The following ABHD1 variants were observed in gnomAD, a reference collection of about 807,000 sequenced individuals.
The protein encoded by ABHD1 is protein ABHD1.
In ABHD1, 47 loss-of-function variants were observed where a neutral mutation model predicts 41.4. That is an observed-to-expected ratio of 1.13 (90% CI 0.90 to 1.45). The LOEUF (loss-of-function observed/expected upper bound fraction) is 1.45. Ranked by LOEUF, ABHD1 falls within the 40% of genes most tolerant of loss-of-function variation. ABHD1 has a pLI of 0.00. For synonymous variants in ABHD1, 205 were observed against 203.7 expected (o/e 1.01, Z -0.05); for missense variants, 550 against 503.4 (o/e 1.09, Z -0.89).
At chr2:27,124,379 TGA>T in intron 1 of ABHD1, 1 of 412,470 alleles carries the variant, frequency 2.4e-6, no homozygotes, top group Non-Finnish European at 4.8e-6. Flanking sequence ...GTGGTTTAGC[TGA>T]GTCTTTCAGC....
Position 27,130,414 on chromosome 2 carries a change from G to C in ABHD1, c.1004G>C (p.Cys335Ser). The change falls in exon 8 of 9, where the codon TGT (cysteine) becomes TCT (serine). Residue 335 changes from cysteine (C) to serine (S), a missense_variant and splice_region_variant. Cys to Ser is a moderately radical substitution (Grantham distance 112, BLOSUM62 -1). Transcript: ENST00000316470. ...SAADDPFSPV[C>S]ALPIQAAQHS... The stretch of plus-strand genomic sequence containing the variant: ...GCAGATGACCCCTTCTCCCCCGTCT[G>C]TGGTGAGTACTCTGATTCAGGACAC... 1 of 1,614,172 alleles carries C rather than the reference G, an allele frequency of 6.2e-7. No homozygotes were observed. Among genetic ancestry groups the C allele is most frequent in the South Asian group, 1.1e-5 (1 of 91,082 alleles).
intron 1 of ABHD1, among the ~76,000 whole-genome samples, chr2:27,127,302 C>T (rs1162250945): frequency 7.4e-6 from 1 of 134,244 alleles, no homozygotes. Context: ...CGCCTGTAAT[C>T]CCAGCACTTT....
intron 4 of ABHD1, 56 bp downstream of exon 4, chr2:27,129,417 G>C (rs1460572546): frequency 6.2e-7 from 1 of 1,612,948 alleles, no homozygotes; most frequent in Non-Finnish European, 8.5e-7. Flanking sequence ...AGAGATCCTT[G>C]GCCCTGGGGC....
chr2:27,124,753 G>A lies in ABHD1; in HGVS notation c.114+691G>A, dbSNP rs183474416. On this transcript the variant is annotated intron_variant, in intron 1 of 8. Transcript: ENST00000316470. ...AGTCTAACAAGACACCTACTGGTTC[G>A]AGTCCTTTAAAAAGGTCTATAGGAG... The A allele has an allele frequency of 2.1e-4, 35 of 167,570 alleles. No homozygotes were observed. The East Asian group carries it at 3.0e-3, about 14-fold the overall frequency. 10.4% of individuals were successfully genotyped at this position (167,570 alleles called of 1,614,324 possible).
intron 1 of ABHD1, among the ~76,000 whole-genome samples, chr2:27,127,239 T>TC (rs1182178744): frequency 7.4e-6 from 1 of 135,540 alleles, no homozygotes; most frequent in African/African-American, 2.9e-5. Flanking sequence ...GCTTCATCTT[T>TC]TTTTTTTTTT....
chr2:27,129,942 A>C lies in ABHD1; in HGVS notation c.791+15A>C, dbSNP rs761697867. On this transcript the variant is annotated intron_variant, in intron 6 of 8. Coordinates refer to ENST00000316470, the MANE Select transcript of ABHD1 (RefSeq NM_032604.4). ...CTTGTGGAACGGTAGGGTCGTGGCA[A>C]GTGGGAGGAGGCAGTAGACAGAGTA... The C allele has an allele frequency of 9.9e-6, 16 of 1,613,772 alleles. No individual in the cohort carries two copies. The highest frequency in any genetic ancestry group is 1.3e-5 in the Non-Finnish European group (15 of 1,179,944).
chr2:27,128,670 T>C (rs1672080245), intron 2 of ABHD1, 69 bp downstream of exon 2: 9 of 1,584,148 alleles, frequency 5.7e-6, no homozygotes, highest in Non-Finnish European at 7.8e-6. Flanking sequence ...CTACCACTTT[T>C]AAAATGTAGG....
chr2:27,126,192 C>A (rs1671948942), intron 1 of ABHD1: 1 of 152,238 alleles, frequency 6.6e-6, no homozygotes, highest in East Asian at 1.9e-4. Context: ...GAGAACTCAA[C>A]AAATCTTACC....
chr2:27,129,146 CCA>C lies in ABHD1; in HGVS notation c.458+20_458+21del, dbSNP rs1672105281. On this transcript the variant is annotated intron_variant, in intron 3 of 8. Transcript: ENST00000316470. ...GCTACCAGTAAGGATGGGTGCAGCC[CCA>C]GAGTGGGGTGGCATCTGAGAACGTG... 1 of 1,607,796 alleles carries C rather than the reference CCA, an allele frequency of 6.2e-7. No individual in the cohort carries two copies. The highest frequency in any genetic ancestry group is 8.5e-7 in the Non-Finnish European group (1 of 1,176,196).
rs757264284 is a variant in ABHD1, at chr2:27,130,401, T to G, written c.991T>G (p.Phe331Val). ...CTATCTCAGTGCAGCAGATGACCCC[T>G]TCTCCCCCGTCTGTGGTGAGTACTC... ...VLYLSAADDP[F>V]SPVCALPIQA... The change falls in exon 8 of 9, where the codon TTC (phenylalanine) becomes GTC (valine). Residue 331 changes from phenylalanine (F) to valine (V), a missense_variant. Physicochemically the swap from Phe to Val is conservative, Grantham distance 50. Transcript: ENST00000316470. 1 of 1,614,154 alleles carries G rather than the reference T, an allele frequency of 6.2e-7. No individual in the cohort carries two copies. Among genetic ancestry groups the G allele is most frequent in the Non-Finnish European group, 8.5e-7 (1 of 1,180,026 alleles).
intron 3 of ABHD1, 75 bp from the exon 4 acceptor site, chr2:27,129,241 A>G: frequency 6.2e-7 from 1 of 1,603,398 alleles, no homozygotes; most frequent in Non-Finnish European, 8.5e-7. Context: ...GTCTTTGGAC[A>G]GGGGTCTTTC....
Position 27,128,984 on chromosome 2 carries a change from A to G in ABHD1, c.315A>G (p.Leu105=). ...LQTPDGGQLL[L]DWAKQPDSSQ... is the part of the protein sequence containing the mutation. ...CACCAGATGGAGGCCAGCTCCTGCT[A>G]GACTGGGCCAAGCAGCCTGACAGCA... Residue 105 remains leucine (L), a synonymous_variant, in exon 3 of 9, where the codon CTA becomes CTG. Transcript: ENST00000316470. 1 of 1,614,174 alleles carries G rather than the reference A, an allele frequency of 6.2e-7. No individual in the cohort carries two copies. Among genetic ancestry groups the G allele is most frequent in the South Asian group, 1.1e-5 (1 of 91,086 alleles).
At chr2:27,124,143 G>A (rs1440625179) in intron 1 of ABHD1, 81 bp downstream of exon 1, 1 of 1,322,640 alleles carries the variant, frequency 7.6e-7, no homozygotes, top group Non-Finnish European at 1.1e-6. Flanking sequence ...CCCTTGGTGG[G>A]AACTGGGATG....
In ABHD1 at chr2:27,130,409, C is replaced by A; in HGVS notation, c.999C>A (p.Pro333=). The A allele has an allele frequency of 6.2e-7, 1 of 1,614,166 alleles. No individual in the cohort carries two copies. Among genetic ancestry groups the A allele is most frequent in the Non-Finnish European group, 8.5e-7 (1 of 1,180,024 alleles). The change falls in exon 8 of 9, where the codon CCC becomes CCA. Residue 333 remains proline, a synonymous_variant. Coordinates refer to ENST00000316470, the MANE Select transcript of ABHD1 (RefSeq NM_032604.4). ...YLSAADDPFS[P]VCALPIQAAQ... is the part of the protein sequence containing the mutation. ...GTGCAGCAGATGACCCCTTCTCCCC[C>A]GTCTGTGGTGAGTACTCTGATTCAG...
intron 1 of ABHD1, chr2:27,124,425 C>T (rs1000318637): frequency 1.1e-5 from 4 of 369,846 alleles, no homozygotes; most frequent in Non-Finnish European, 2.1e-5. Flanking sequence ...GTCTGTGGGT[C>T]ATGGCTAACT....
Position 27,129,087 on chromosome 2 carries a change from G to C in ABHD1, c.418G>C (p.Val140Leu), listed in dbSNP as rs769364975. 1 of 1,613,886 alleles carries C rather than the reference G, an allele frequency of 6.2e-7. No individual in the cohort carries two copies. The highest frequency in any genetic ancestry group is 1.1e-5 in the South Asian group (1 of 91,084). Residue 140 changes from valine to leucine, a missense_variant, in exon 3 of 9, where the codon GTC becomes CTC. By Grantham distance (32) the Val-to-Leu change is conservative. Transcript: ENST00000316470. Reference sequence around the variant, plus strand: ...CACTGGCAGTAGCCAGGAGACATACGTCTTGCACCTAGTTAACCAAGCTCT... The same window carrying C: ...CACTGGCAGTAGCCAGGAGACATACCTCTTGCACCTAGTTAACCAAGCTCT... Reference protein sequence around the residue: ...GITGSSQETYVLHLVNQALRD... With the variant: ...GITGSSQETYLLHLVNQALRD...
Position 27,129,790 on chromosome 2 carries a change from G to A in ABHD1, c.654G>A (p.Gln218=), listed in dbSNP as rs748904019. 2 of 1,614,234 alleles carry A rather than the reference G, an allele frequency of 1.2e-6. No homozygotes were observed. The highest frequency in any genetic ancestry group is 4.5e-5 in the East Asian group (2 of 44,884). The change falls in exon 6 of 9, where the codon CAG becomes CAA. Residue 218 remains glutamine (Q), a synonymous_variant. Transcript: ENST00000316470. ...TGAATCACCTGGCACAGGCCAGGCA[G>A]GCTGCAGGGCTGGTGGCAGCACTGA... ...LVLNHLAQAR[Q]AAGLVAALTL...
chr2:27,126,334 T>C (rs1282534813), intron 1 of ABHD1: 2 of 152,270 alleles, frequency 1.3e-5, no homozygotes, highest in Non-Finnish European at 2.9e-5. Context: ...AGTTTGGGCT[T>C]AGCCCAGTGC....
Position 27,128,524 on chromosome 2 carries a change from G to A in ABHD1, c.198G>A (p.Thr66=), listed in dbSNP as rs369031692. 36 of 1,613,894 alleles carry A rather than the reference G, an allele frequency of 2.2e-5. 1 individual carries two copies. The Middle Eastern group carries it at 4.9e-4, about 22-fold the overall frequency. Residue 66 remains threonine, a synonymous_variant, in exon 2 of 9, where the codon ACG becomes ACA. Coordinates refer to ENST00000316470, the MANE Select transcript of ABHD1 (RefSeq NM_032604.4). Reference sequence around the variant, plus strand: ...TCACCACCGAGACTTTCTACCCAACGCTGTGGTGTTTTGAGGGGCGACTAC... The same window carrying A: ...TCACCACCGAGACTTTCTACCCAACACTGTGGTGTTTTGAGGGGCGACTAC... ...CSITTETFYP[T]LWCFEGRLQS... is the part of the protein sequence containing the mutation.
Sources: gnomAD v4.1 joint callset for allele counts (sites outside exome capture counted in the v4.1 genomes callset) on GRCh38, gnomAD v4.1.1 for gene constraint, MANE v1.5 for transcripts, NCBI Gene and HGNC (gene_info 2026-07-23, HGNC 2026-07-21) for gene names.